The following RFX6 variants were observed in gnomAD, a reference collection of about 807,000 sequenced individuals.
RFX6 encodes DNA-binding protein RFX6.
Under a neutral mutation model 110.8 loss-of-function variants are expected in RFX6, and 50 were observed. That is an observed-to-expected ratio of 0.45 (90% CI 0.36 to 0.57). The LOEUF (loss-of-function observed/expected upper bound fraction) is 0.57. Ranked by LOEUF, RFX6 falls within the 20% of genes least tolerant of loss-of-function variation. RFX6 has a pLI of 0.00. For synonymous variants in RFX6, 383 were observed against 411.2 expected, an observed-to-expected ratio of 0.93 and a Z score of 0.83; for missense variants, 990 against 1,127.0, an observed-to-expected ratio of 0.88 and a Z score of 1.74.
intron 14 of RFX6, among the ~76,000 whole-genome samples, chr6:116,923,686 C>A (rs1199625255): frequency 6.6e-6 from 1 of 152,126 alleles, no homozygotes; most frequent in Non-Finnish European, 1.5e-5. Context: ...TTCTGAGCAC[C>A]CATATAACTG....
chr6:116,886,290 A>G (rs987695765), intron 4 of RFX6, among the ~76,000 whole-genome samples: 1 of 152,148 alleles, frequency 6.6e-6, no homozygotes, highest in Non-Finnish European at 1.5e-5. Flanking sequence ...AGTTTGGCCA[A>G]ATTATTATAG....
At chr6:116,904,871 T>C (rs1200660125) in intron 6 of RFX6, among the ~76,000 whole-genome samples, 2 of 152,236 alleles carry the variant, frequency 1.3e-5, no homozygotes, top group Non-Finnish European at 2.9e-5. Flanking sequence ...GGATGAATGA[T>C]ATTTCATTGT....
chr6:116,912,041 G>C (rs766923529), intron 7 of RFX6, among the ~76,000 whole-genome samples: 1 of 152,140 alleles, frequency 6.6e-6, no homozygotes, highest in African/African-American at 2.4e-5. Context: ...CAGCAACATG[G>C]ATGCAGCTGG....
intron 10 of RFX6, 28 bp from the exon 11 acceptor site, chr6:116,919,109 A>T (rs1775536421): frequency 6.3e-7 from 1 of 1,597,628 alleles, no homozygotes. Context: ...TTAACAATGA[A>T]GCATTTAACA....
chr6:116,879,410 C>T (rs1393438226), intron 2 of RFX6, among the ~76,000 whole-genome samples: 1 of 151,834 alleles, frequency 6.6e-6, no homozygotes, highest in East Asian at 1.9e-4. Context: ...CCAGTTTTCA[C>T]TATCAACTAG....
intron 3 of RFX6, among the ~76,000 whole-genome samples, chr6:116,882,073 A>G (rs1205559081): frequency 6.6e-6 from 1 of 152,154 alleles, no homozygotes; most frequent in Non-Finnish European, 1.5e-5. Context: ...CACTCCATAC[A>G]TAAATAAAGT....
Position 116,920,297 on chromosome 6 carries a change from T to G in RFX6, c.1183-13T>G. 1.9e-6 allele frequency: 3 copies of G among 1,605,950 alleles called. No individual in the cohort carries two copies. The highest frequency in any genetic ancestry group is 2.6e-6 in the Non-Finnish European group (3 of 1,172,644). Reference sequence around the variant, plus strand: ...TGATATAGTGTAGTGTCTTCTTTACTTTCTCTATGCAGATTGCCAGACCAG... The same window carrying G: ...TGATATAGTGTAGTGTCTTCTTTACGTTCTCTATGCAGATTGCCAGACCAG... On this transcript the variant is annotated splice_polypyrimidine_tract_variant and intron_variant, in intron 11 of 18. Coordinates refer to ENST00000332958, the MANE Select transcript of RFX6 (RefSeq NM_173560.4).
At chr6:116,929,555 G>A (rs751661958) in intron 18 of RFX6, among the ~76,000 whole-genome samples, 10 of 152,262 alleles carry the variant, frequency 6.6e-5, no homozygotes, top group East Asian at 1.9e-4. Context: ...TGTGCTTGCC[G>A]TGAAGCCTCC....
At chr6:116,918,158 C>T (rs1465848279) in intron 10 of RFX6, 72 bp downstream of exon 10, 1 of 1,029,554 alleles carries the variant, frequency 9.7e-7, no homozygotes, top group African/African-American at 1.6e-5. Flanking sequence ...TAGAAGAAAA[C>T]ATTAGGTAGT....
In RFX6 at chr6:116,919,145, C is replaced by T; in HGVS notation, c.1031C>T (p.Ala344Val). 6.2e-7 allele frequency: 1 copy of T among 1,613,012 alleles called. No individual in the cohort carries two copies. The highest frequency in any genetic ancestry group is 8.5e-7 in the Non-Finnish European group (1 of 1,179,176). ...TMQEMPESLLADIRNFAKNWE... is the reference protein window; with the variant it reads ...TMQEMPESLLVDIRNFAKNWE... ...CATAGCCTTCTTTGTAGCTTATTAG[C>T]AGACATAAGAAATTTTGCTAAAAAT... is the stretch of plus-strand genomic sequence containing the variant. The change falls in exon 11 of 19, where the codon GCA (alanine) becomes GTA (valine). Residue 344 changes from alanine (A) to valine (V), a missense_variant. Ala to Val is a moderately conservative substitution (Grantham distance 64, BLOSUM62 0). Around this residue, in one of 5 missense-constraint regions of RFX6, gnomAD observed 243 missense variants for 353.1 expected, o/e 0.69. Coordinates refer to ENST00000332958, the MANE Select transcript of RFX6 (RefSeq NM_173560.4).
chr6:116,889,480 G>A (rs1310101460), intron 4 of RFX6, among the ~76,000 whole-genome samples: 1 of 152,038 alleles, frequency 6.6e-6, no homozygotes, highest in African/African-American at 2.4e-5. Context: ...GACCAAGGGA[G>A]GAGTTCAGGG....
At chr6:116,906,171 A>G (rs1004031462) in intron 6 of RFX6, among the ~76,000 whole-genome samples, 2 of 152,104 alleles carry the variant, frequency 1.3e-5, no homozygotes, top group African/African-American at 4.8e-5. Flanking sequence ...ATCAAAAATT[A>G]TTTTACCATA....
chr6:116,927,173 T>G lies in RFX6; in HGVS notation c.2032T>G (p.Cys678Gly). The G allele has an allele frequency of 6.2e-7, 1 of 1,614,172 alleles. No homozygotes were observed. The highest frequency in any genetic ancestry group is 8.5e-7 in the Non-Finnish European group (1 of 1,180,016). Residue 678 changes from cysteine to glycine, a missense_variant, in exon 17 of 19, where the codon TGC (cysteine) becomes GGC (glycine). Cys to Gly is a radical substitution (Grantham distance 159, BLOSUM62 -3). This residue lies in a region of RFX6 where 438 missense variants were observed against 441.9 expected (regional missense o/e 0.99). Transcript: ENST00000332958. ...CCCAGTACTGTCAGCTCCATCACAC[T>G]GCTCCACATACCCAGAGCCCATTTA... Reference protein sequence around the residue: ...VGPVLSAPSHCSTYPEPIYPT... With the variant: ...VGPVLSAPSHGSTYPEPIYPT...
At chr6:116,915,266 A>C (rs1022019361) in intron 7 of RFX6, among the ~76,000 whole-genome samples, 1 of 152,136 alleles carries the variant, frequency 6.6e-6, no homozygotes, top group African/African-American at 2.4e-5. Flanking sequence ...ATAGACATTC[A>C]ATGTTTGAAA....
intron 6 of RFX6, among the ~76,000 whole-genome samples, chr6:116,896,153 C>G (rs896603185): frequency 6.6e-6 from 1 of 152,134 alleles, no homozygotes; most frequent in Non-Finnish European, 1.5e-5. Flanking sequence ...AGGGAATTTA[C>G]GTTATTTCTC....
At chr6:116,910,024 C>G (rs1775316691) in intron 6 of RFX6, among the ~76,000 whole-genome samples, 2 of 151,942 alleles carry the variant, frequency 1.3e-5, no homozygotes, top group African/African-American at 4.8e-5. Flanking sequence ...TTCAATATGA[C>G]AGAGATAAAC....
chr6:116,879,343 T>A (rs1261102912), intron 2 of RFX6, among the ~76,000 whole-genome samples: 2 of 151,954 alleles, frequency 1.3e-5, no homozygotes, highest in Non-Finnish European at 2.9e-5. Flanking sequence ...TAAAATATAA[T>A]TTTTAAATAG....
rs146081967 is a variant in RFX6 at position 116,927,180 on chromosome 6, C to T, written c.2039C>T (p.Thr680Ile). Reference protein sequence around the residue: ...PVLSAPSHCSTYPEPIYPTLP... With the variant: ...PVLSAPSHCSIYPEPIYPTLP... ...CTGTCAGCTCCATCACACTGCTCCA[C>T]ATACCCAGAGCCCATTTATCCCACT... Residue 680 changes from threonine to isoleucine, a missense_variant, in exon 17 of 19, where the codon ACA becomes ATA. By Grantham distance (89) the Thr-to-Ile change is moderately conservative (BLOSUM62 -1). This residue lies in a region of RFX6 where 438 missense variants were observed against 441.9 expected (regional missense o/e 0.99). Transcript: ENST00000332958. The T allele has an allele frequency of 1.2e-6, 2 of 1,614,172 alleles. No homozygotes were observed. The highest frequency in any genetic ancestry group is 1.7e-6 in the Non-Finnish European group (2 of 1,180,012).
chr6:116,917,906 T>C (rs1481134115), intron 9 of RFX6, 131 bp from the exon 10 acceptor site: 2 of 666,072 alleles, frequency 3.0e-6, no homozygotes, highest in Non-Finnish European at 5.4e-6. Flanking sequence ...GAGATAAAAT[T>C]ATAACTTTGA....
Sources: gnomAD v4.1 joint callset for allele counts (sites outside exome capture counted in the v4.1 genomes callset) on GRCh38, gnomAD v4.1.1 for gene constraint, gnomAD v4.1.1 regional missense constraint, MANE v1.5 for transcripts, NCBI Gene and HGNC (gene_info 2026-07-23, HGNC 2026-07-21) for gene names.